Variants in TRIM10 observed in about 807,000 individuals in gnomAD.
The protein encoded by TRIM10 is tripartite motif containing 10.
A neutral mutation model predicts 40.0 loss-of-function variants in TRIM10; 42 were observed. The observed-to-expected ratio is 1.05, with a 90% confidence interval of 0.82 to 1.36. The LOEUF is 1.36. Among genes scored for constraint, TRIM10 ranks in the 40% most tolerant of loss-of-function variants. The pLI is 0.00. For synonymous variants in TRIM10, 260 were observed against 239.5 expected (o/e 1.09, Z -0.79); for missense variants, 601 against 608.3 (o/e 0.99, Z 0.13).
At chr6:30,157,472 T>C (rs1253544436) in intron 3 of TRIM10, 81 bp from the exon 4 acceptor site, 2 of 1,402,286 alleles carry the variant, frequency 1.4e-6, no homozygotes, top group Non-Finnish European at 2.0e-6. Flanking sequence ...ACTTTTATTT[T>C]ATTTATTTTT....
intron 3 of TRIM10, 102 bp downstream of exon 3, chr6:30,158,297 G>A (rs544339211): frequency 2.0e-6 from 2 of 985,876 alleles, no homozygotes; most frequent in Admixed American, 3.5e-5. Context: ...TCCCATCTGG[G>A]ATACAGAGAT....
In TRIM10 at chr6:30,152,902, T is replaced by C. The variant is rs1404215884; in HGVS notation, c.*1067A>G. The C allele has an allele frequency of 2.0e-5, 3 of 152,202 alleles. No homozygotes were observed. In the East Asian group the frequency reaches 5.8e-4, roughly 29 times the overall value. The allele number at this position is 152,202 out of a possible 1,614,324, so 9.4% of individuals were successfully genotyped here. A position where few individuals can be genotyped will look rare whatever the true frequency, so the allele number is the denominator to read the frequency against. ...GCCCTGGCCTCCTTCTGGAATTCTT[T>C]TACCTAGCAGTTTCTGAGCCCACAG... is the stretch of plus-strand genomic sequence containing the variant. On this transcript the variant is annotated 3_prime_UTR_variant, in exon 7 of 7. Coordinates refer to ENST00000449742, the MANE Select transcript of TRIM10 (RefSeq NM_006778.4).
chr6:30,158,178 T>C (rs1293655742), intron 3 of TRIM10, among the ~76,000 whole-genome samples: 1 of 152,202 alleles, frequency 6.6e-6, no homozygotes, highest in Non-Finnish European at 1.5e-5. Flanking sequence ...ATCTTCCCTA[T>C]TTGGCAGATG....
chr6:30,162,931 AAAATAAATAAATAAATAAATAAATAAAT>A (rs9278598), upstream of TRIM10, among the ~76,000 whole-genome samples: 3 of 143,758 alleles, frequency 2.1e-5, no homozygotes, highest in African/African-American at 7.7e-5. Context: ...CGCTACAGTA[AAAATAAATAAATAAATAAATAAATAAAT>A]AAATAAATAA....
chr6:30,154,768 G>A (rs543256683), intron 6 of TRIM10: 72 of 681,032 alleles, frequency 1.1e-4, no homozygotes, highest in African/African-American at 6.3e-4. Flanking sequence ...TGTGGTCCTC[G>A]GGAAAGCTCT....
At chr6:30,159,971 T>G (rs140069314) in intron 1 of TRIM10, among the ~76,000 whole-genome samples, 51 of 152,342 alleles carry the variant, frequency 3.3e-4, no homozygotes, top group African/African-American at 1.2e-3. Flanking sequence ...CCAGCCTGAA[T>G]ATATGTAAAC....
At chr6:30,157,134 G>A in intron 4 of TRIM10, 80 bp from the exon 5 acceptor site, 1 of 1,384,172 alleles carries the variant, frequency 7.2e-7, no homozygotes, top group Non-Finnish European at 1.0e-6. Flanking sequence ...TCTTCTAATA[G>A]GGCATGATGG....
chr6:30,159,396 G>A (rs1350214494), intron 1 of TRIM10, 151 bp from the exon 2 acceptor site: 2 of 614,634 alleles, frequency 3.3e-6, no homozygotes, highest in Non-Finnish European at 5.8e-6. Context: ...CACCCTGACA[G>A]CTTACTCCCT....
chr6:30,154,828 G>T (rs1409112730), intron 6 of TRIM10: 2 of 591,372 alleles, frequency 3.4e-6, no homozygotes, highest in Non-Finnish European at 6.3e-6. Flanking sequence ...TGCCAGCTTG[G>T]ATCTCCTGGG....
At chr6:30,160,389 A>G (rs1562128173) in intron 1 of TRIM10, 41 bp downstream of exon 1, 1 of 1,589,450 alleles carries the variant, frequency 6.3e-7, no homozygotes, top group Non-Finnish European at 8.6e-7. Context: ...CTCTTAGTCC[A>G]GTCCAGTCCA....
In TRIM10 at chr6:30,160,589, T is replaced by A; in HGVS notation, c.270A>T (p.Thr90=). 6.2e-7 allele frequency: 1 copy of A among 1,614,206 alleles called. No homozygotes were observed. Among genetic ancestry groups the A allele is most frequent in the South Asian group, 1.1e-5 (1 of 91,088 alleles). ...AGACATCCTCCTCTCCCAAACCCAG[T>A]GTGGACACCAGCTGGAGGCGCTCAA... ...ENIERLQLVS[T]LGLGEEDVCQ... Residue 90 remains threonine, a synonymous_variant, in exon 1 of 7, where the codon ACA becomes ACT. Transcript: ENST00000449742.
rs754204913 is a variant in TRIM10 at position 30,152,698 on chromosome 6, T to C, written c.*1271A>G. The C allele has an allele frequency of 1.3e-5, 2 of 152,144 alleles. No individual in the cohort carries two copies. The highest frequency in any genetic ancestry group is 2.9e-5 in the Non-Finnish European group (2 of 68,034). 9.4% of individuals were successfully genotyped at this position (152,144 alleles called of 1,614,324 possible). A position where few individuals can be genotyped will look rare whatever the true frequency, so the allele number is the denominator to read the frequency against. On this transcript the variant is annotated 3_prime_UTR_variant, in exon 7 of 7. Transcript: ENST00000449742. ...GTTTACACTGAGCAGAGTAAACAGA[T>C]GATGTTAAGGAGACTGTCAGTGAAG...
rs1043157420 is a variant in TRIM10, at chr6:30,155,618, G to T, written c.928+109C>A. 3 of 934,542 alleles carry T rather than the reference G, an allele frequency of 3.2e-6. No homozygotes were observed. The East Asian group carries it at 7.6e-5, about 24-fold the overall frequency. 57.9% of individuals were successfully genotyped at this position (934,542 alleles called of 1,614,324 possible). On this transcript the variant is annotated intron_variant, in intron 6 of 6. Transcript: ENST00000449742. ...TGTGTATATGTATCCATGGGTGTTT[G>T]TTATGACTATTGTCATAGTCATAAC...
upstream of TRIM10, chr6:30,163,598 A>C: frequency 6.9e-7 from 1 of 1,438,992 alleles, no homozygotes. Context: ...TCCCTCTGCG[A>C]TTCATGTAAG....
In TRIM10 at chr6:30,159,179, T is replaced by C. The variant is rs1772850444; in HGVS notation, c.496A>G (p.Arg166Gly). 1.2e-6 allele frequency: 2 copies of C among 1,612,200 alleles called. No homozygotes were observed. The highest frequency in any genetic ancestry group is 2.2e-5 in the South Asian group (2 of 91,066). ...AGGACTTGCATCCTTTTATTTTCTC[T>C]TGACTGGATTTCTTGAATCTCCTCT... ...EREEIQEIQSRENKRMQVLLT... is the reference protein window; with the variant it reads ...EREEIQEIQSGENKRMQVLLT... The change falls in exon 2 of 7, where the codon AGA (arginine) becomes GGA (glycine). Residue 166 changes from arginine to glycine, a missense_variant. By Grantham distance (125) the Arg-to-Gly change is moderately radical. Transcript: ENST00000449742.
chr6:30,154,600 T>C (rs1208533431), intron 6 of TRIM10, 114 bp from the exon 7 acceptor site: 1 of 1,355,848 alleles, frequency 7.4e-7, no homozygotes, highest in Non-Finnish European at 1.0e-6. Flanking sequence ...CAAAAACATG[T>C]ATAGTGCCTA....
At chr6:30,158,344 G>A in intron 3 of TRIM10, 55 bp downstream of exon 3, 1 of 1,463,282 alleles carries the variant, frequency 6.8e-7, no homozygotes, top group Non-Finnish European at 9.6e-7. Context: ...GCAAGACAAA[G>A]ATGCAAGAGT....
chr6:30,160,291 G>T, intron 1 of TRIM10, 139 bp downstream of exon 1: 1 of 893,228 alleles, frequency 1.1e-6, no homozygotes, highest in Non-Finnish European at 1.7e-6. Context: ...AATTTTCCAT[G>T]CCTGGGTCTA....
At chr6:30,163,834 C>T (rs538615204), upstream of TRIM10, 487 of 1,613,080 alleles carry the variant, frequency 3.0e-4, 5 homozygotes, top group South Asian at 4.9e-3. Context: ...GGGCCCAATC[C>T]TCGGGCAAGA....
Sources: gnomAD v4.1 joint callset for allele counts (sites outside exome capture counted in the v4.1 genomes callset) on GRCh38, gnomAD v4.1.1 for gene constraint, MANE v1.5 for transcripts, NCBI Gene and HGNC (gene_info 2026-07-23, HGNC 2026-07-21) for gene names.